The following EOGT variants were observed in gnomAD, a reference collection of about 807,000 sequenced individuals.
EOGT encodes the protein EGF domain specific O-linked N-acetylglucosamine transferase.
In EOGT, 55 loss-of-function variants were observed where a neutral mutation model predicts 70.5. The observed-to-expected ratio is 0.78, with a 90% CI of 0.63 to 0.98. EOGT has a LOEUF of 0.98. Ranked by LOEUF, EOGT falls within the 50% of genes least tolerant of loss-of-function variation. The pLI is 0.00. For synonymous variants in EOGT, 246 were observed against 217.1 expected, an observed-to-expected ratio of 1.13 and a Z score of -1.17; for missense variants, 703 against 641.9, an observed-to-expected ratio of 1.10 and a Z score of -1.03.
At chr3:68,983,121 C>T (rs961090293) in intron 14 of EOGT, among the ~76,000 whole-genome samples, 2 of 152,246 alleles carry the variant, frequency 1.3e-5, no homozygotes, top group Admixed American at 1.3e-4. Context: ...TACCAATGCA[C>T]TGTGTTGCTG....
At chr3:68,999,270 C>T (rs912961893) in intron 9 of EOGT, among the ~76,000 whole-genome samples, 1 of 152,206 alleles carries the variant, frequency 6.6e-6, no homozygotes, top group African/African-American at 2.4e-5. Context: ...CTGGATCCCA[C>T]TAGGTCAGAT....
chr3:69,004,532 CCAAG>C, intron 7 of EOGT, 50 bp from the exon 8 acceptor site: 13 of 1,286,538 alleles, frequency 1.0e-5, no homozygotes, highest in Non-Finnish European at 1.4e-5. Context: ...TCTTCATGAC[CCAAG>C]CACGTGGGTT....
rs769567180 is a variant in EOGT at position 69,007,724 on chromosome 3, G to A, written c.409C>T (p.Pro137Ser). The A allele has an allele frequency of 6.2e-7, 1 of 1,604,006 alleles. No individual in the cohort carries two copies. Among genetic ancestry groups the A allele is most frequent in the East Asian group, 2.2e-5 (1 of 44,600 alleles). Residue 137 changes from proline to serine, a missense_variant, in exon 6 of 18, where the codon CCT becomes TCT. Pro to Ser is a moderately conservative substitution (Grantham distance 74, BLOSUM62 -1). Coordinates refer to ENST00000383701, the MANE Select transcript of EOGT (RefSeq NM_001278689.2). ...RLEEMHVLCQ[P>S]KETSDSSLVC... is the part of the protein sequence containing the mutation. ...AGCAAAATACCCACCGTTTCCTTAG[G>A]CTGACAGAGCACATGCATCTCCTCC... is the stretch of plus-strand genomic sequence containing the variant.
intron 1 of EOGT, among the ~76,000 whole-genome samples, chr3:69,013,255 G>A (rs1424217839): frequency 6.6e-6 from 1 of 151,726 alleles, no homozygotes; most frequent in Non-Finnish European, 1.5e-5. Flanking sequence ...GGTCCCCAGC[G>A]CGCCTGGGAG....
intron 17 of EOGT, among the ~76,000 whole-genome samples, chr3:68,978,007 C>A (rs2090521057): frequency 6.6e-6 from 1 of 152,204 alleles, no homozygotes; most frequent in Non-Finnish European, 1.5e-5. Flanking sequence ...CATAAACAGA[C>A]AGGCATGACT....
At chr3:69,007,248 C>T (rs1029088110) in intron 6 of EOGT, among the ~76,000 whole-genome samples, 2 of 152,174 alleles carry the variant, frequency 1.3e-5, no homozygotes, top group African/African-American at 4.8e-5. Flanking sequence ...ACATAAAATT[C>T]TATGCCAATA....
chr3:69,003,778 T>C (rs953866067), intron 8 of EOGT, among the ~76,000 whole-genome samples: 9 of 152,374 alleles, frequency 5.9e-5, no homozygotes, highest in Admixed American at 5.9e-4. Flanking sequence ...GACAATGTTC[T>C]ATTTTTGGAC....
At chr3:68,979,852 T>A (rs895903089) in intron 15 of EOGT, 65 bp from the exon 16 acceptor site, 8 of 1,502,038 alleles carry the variant, frequency 5.3e-6, no homozygotes, top group Non-Finnish European at 7.3e-6. Flanking sequence ...TTGAGTTAGT[T>A]CATGATTCAC....
At chr3:69,012,126 G>A (rs1163090272) in intron 2 of EOGT, 135 bp from the exon 3 acceptor site, 1 of 152,110 alleles carries the variant, frequency 6.6e-6, no homozygotes, top group Non-Finnish European at 1.5e-5. Context: ...AGGCCTGGCC[G>A]GTGGTGCGCT....
chr3:68,983,655 C>T (rs934199285), intron 14 of EOGT, among the ~76,000 whole-genome samples: 1 of 152,206 alleles, frequency 6.6e-6, no homozygotes, highest in African/African-American at 2.4e-5. Context: ...GTTTACTTCA[C>T]TTAATCCTCG....
chr3:69,001,584 A>G, intron 9 of EOGT, 24 bp downstream of exon 9: 1 of 1,456,710 alleles, frequency 6.9e-7, no homozygotes, highest in Non-Finnish European at 9.5e-7. Flanking sequence ...AAATACACAA[A>G]TAACAGAAAA....
At chr3:68,996,907 T>G (rs989217603) in intron 10 of EOGT, among the ~76,000 whole-genome samples, 2 of 152,222 alleles carry the variant, frequency 1.3e-5, no homozygotes, top group Admixed American at 6.5e-5. Flanking sequence ...TTCTCCTTAT[T>G]GTAATTGTCA....
intron 14 of EOGT, among the ~76,000 whole-genome samples, chr3:68,983,498 C>T (rs1393612869): frequency 6.6e-6 from 1 of 152,178 alleles, no homozygotes; most frequent in African/African-American, 2.4e-5. Flanking sequence ...ACAATTAGGC[C>T]ACGGGGGATC....
In EOGT at chr3:68,976,641, C is replaced by CATGTGT. The variant is rs71618257; in HGVS notation, c.*976_*977insACACAT. 6.9e-6 allele frequency: 1 copy of CATGTGT among 144,306 alleles called. No homozygotes were observed. Among genetic ancestry groups the CATGTGT allele is most frequent in the African/African-American group, 2.6e-5 (1 of 38,350 alleles). 8.9% of individuals were successfully genotyped at this position (144,306 alleles called of 1,614,324 possible). On this transcript the variant is annotated 3_prime_UTR_variant, in exon 18 of 18. Coordinates refer to ENST00000383701, the MANE Select transcript of EOGT (RefSeq NM_001278689.2). ...CTTGGTACTGAGAATCACAACTCTGCGTGTGTGTGTGTGTGTGTGTGTGTG... is the reference window on the plus strand; with the variant it reads ...CTTGGTACTGAGAATCACAACTCTGCATGTGTGTGTGTGTGTGTGTGTGTGTGTGTG...
chr3:68,978,641 G>A (rs914561698), intron 16 of EOGT, among the ~76,000 whole-genome samples: 2 of 152,080 alleles, frequency 1.3e-5, no homozygotes, highest in Non-Finnish European at 2.9e-5. Flanking sequence ...AAACAAAATA[G>A]GGTCATGGAA....
intron 7 of EOGT, 25 bp downstream of exon 7, chr3:69,005,115 A>G: frequency 8.2e-7 from 1 of 1,213,460 alleles, no homozygotes; most frequent in Non-Finnish European, 1.2e-6. Flanking sequence ...TTTATACTAG[A>G]TGTTAACATT....
intron 9 of EOGT, among the ~76,000 whole-genome samples, chr3:68,998,835 T>TAAA (rs5849871): frequency 0.03 from 3,254 of 109,810 alleles, 123 homozygotes; most frequent in Admixed American, 0.1. Context: ...AGACTCTGTC[T>TAAA]AAAAAAAAAA....
At chr3:68,982,106 A>C (rs1479115574) in intron 15 of EOGT, among the ~76,000 whole-genome samples, 1 of 152,092 alleles carries the variant, frequency 6.6e-6, no homozygotes, top group Non-Finnish European at 1.5e-5. Flanking sequence ...ATGGGGTTGC[A>C]CCATGTTGTC....
rs1226433853 is a variant in EOGT at position 69,011,968 on chromosome 3, T to C, written c.-47A>G. 1 of 152,194 alleles carries C rather than the reference T, an allele frequency of 6.6e-6. No homozygotes were observed. Among genetic ancestry groups the C allele is most frequent in the Non-Finnish European group, 1.5e-5 (1 of 68,032 alleles). 9.4% of individuals were successfully genotyped at this position (152,194 alleles called of 1,614,324 possible). A position where few individuals can be genotyped will look rare whatever the true frequency, so the allele number is the denominator to read the frequency against. Reference sequence around the variant, plus strand: ...ATCTTCAGAACCACTCAGAAGCTTCTGTGATGTTTCAGGTCTCTAAAACCT... The same window carrying C: ...ATCTTCAGAACCACTCAGAAGCTTCCGTGATGTTTCAGGTCTCTAAAACCT... On this transcript the variant is annotated 5_prime_UTR_variant, in exon 3 of 18. Coordinates refer to ENST00000383701, the MANE Select transcript of EOGT (RefSeq NM_001278689.2).
Sources: gnomAD v4.1 joint callset for allele counts (sites outside exome capture counted in the v4.1 genomes callset) on GRCh38, gnomAD v4.1.1 for gene constraint, MANE v1.5 for transcripts, NCBI Gene and HGNC (gene_info 2026-07-23, HGNC 2026-07-21) for gene names.